Variants in GABRB2 observed in about 807,000 individuals in gnomAD.
The protein encoded by GABRB2 is gamma-aminobutyric acid receptor subunit beta-2.
GABRB2 carries 16 observed loss-of-function variants against 54.7 expected under a neutral mutation model. The observed-to-expected ratio is 0.29, with a 90% CI of 0.20 to 0.44. GABRB2 has a LOEUF of 0.44. GABRB2 is among the 20% of genes least tolerant of loss of function. The pLI, the probability that GABRB2 is intolerant of heterozygous loss-of-function variation, is 1.00. For synonymous variants in GABRB2, 244 were observed against 233.8 expected, an observed-to-expected ratio of 1.04 and a Z score of -0.40; for missense variants, 355 against 644.0, an observed-to-expected ratio of 0.55 and a Z score of 4.86.
chr5:161,344,737 A>G (rs879139717), intron 5 of GABRB2, among the ~76,000 whole-genome samples: 1 of 152,226 alleles, frequency 6.6e-6, no homozygotes, highest in East Asian at 1.9e-4. Flanking sequence ...ATAAAGACAC[A>G]TGTACGCATA....
chr5:161,508,196 C>T (rs1258201055), intron 3 of GABRB2, among the ~76,000 whole-genome samples: 1 of 151,412 alleles, frequency 6.6e-6, no homozygotes, highest in African/African-American at 2.4e-5. Flanking sequence ...CTCACTAAAT[C>T]TCTACCTAGC....
rs1757011036 is a variant in GABRB2 at position 161,426,759 on chromosome 5, T to A, written c.459-15702A>T. Among the ~76,000 whole-genome samples the A allele has an allele frequency of 3.3e-5, 5 of 151,874 alleles. No homozygotes were observed. The South Asian group carries it at 1.0e-3, about 32-fold the overall frequency. On this transcript the variant is annotated intron_variant, in intron 4 of 9. Coordinates refer to ENST00000393959, the MANE Select transcript of GABRB2 (RefSeq NM_001371727.1). ...GGGTATAAATACTCATGTTGGAAAT[T>A]ACACACAATTTACAATAAGAAGCAC...
intron 8 of GABRB2, 94 bp downstream of exon 8, chr5:161,330,789 G>A (rs1471733164): frequency 1.9e-6 from 3 of 1,539,054 alleles, no homozygotes; most frequent in African/African-American, 1.4e-5. Context: ...CCCTGGGCTT[G>A]GTTTCCTCAT....
intron 3 of GABRB2, among the ~76,000 whole-genome samples, chr5:161,540,754 A>G (rs1760784690): frequency 6.6e-6 from 1 of 152,142 alleles, no homozygotes; most frequent in Non-Finnish European, 1.5e-5. Context: ...GTACCTCTCC[A>G]TCAGAGCTCA....
At chr5:161,414,723 TA>T (rs567340515) in intron 4 of GABRB2, among the ~76,000 whole-genome samples, 9 of 150,812 alleles carry the variant, frequency 6.0e-5, no homozygotes, top group Non-Finnish European at 1.3e-4. Context: ...CAACCCCAAA[TA>T]AAAAATATTA....
At chr5:161,326,231 T>G in intron 9 of GABRB2, 137 bp downstream of exon 9, 1 of 1,251,098 alleles carries the variant, frequency 8.0e-7, no homozygotes, top group South Asian at 1.9e-5. Context: ...TGAAAAAGTT[T>G]TAACTTATCC....
chr5:161,545,986 G>A (rs1231819113), intron 2 of GABRB2, among the ~76,000 whole-genome samples: 1 of 152,166 alleles, frequency 6.6e-6, no homozygotes, highest in Non-Finnish European at 1.5e-5. Context: ...GTGGCCTTCC[G>A]CAAGCCGGGT....
At chr5:161,433,100 C>A (rs1176000076) in intron 4 of GABRB2, among the ~76,000 whole-genome samples, 1 of 152,032 alleles carries the variant, frequency 6.6e-6, no homozygotes, top group Non-Finnish European at 1.5e-5. Flanking sequence ...AAAAAATTCA[C>A]AGATATAAGC....
intron 3 of GABRB2, among the ~76,000 whole-genome samples, chr5:161,493,169 C>A (rs761335481): frequency 2.4e-4 from 36 of 151,636 alleles, no homozygotes; most frequent in Non-Finnish European, 4.1e-4. Flanking sequence ...ATTTGAATGT[C>A]TTCCAAAAAT....
rs1181176302 is a variant in GABRB2, at chr5:161,293,763, C to G, written c.*318G>C. 1.1e-5 allele frequency: 3 copies of G among 269,790 alleles called. No individual in the cohort carries two copies. The highest frequency in any genetic ancestry group is 9.7e-5 in the Admixed American group (2 of 20,610). The allele number at this position is 269,790 out of a possible 1,614,324, so 16.7% of individuals were successfully genotyped here. A position where few individuals can be genotyped will look rare whatever the true frequency, so the allele number is the denominator to read the frequency against. ...CCAAATGACTGACAATGCTGTTGAG[C>G]CTTCTAAGAATATCTTCCAAATTAT... is the stretch of plus-strand genomic sequence containing the variant. On this transcript the variant is annotated 3_prime_UTR_variant, in exon 10 of 10. Coordinates refer to ENST00000393959, the MANE Select transcript of GABRB2 (RefSeq NM_001371727.1).
At chr5:161,433,406 C>T (rs1172064729) in intron 4 of GABRB2, among the ~76,000 whole-genome samples, 2 of 150,104 alleles carry the variant, frequency 1.3e-5, no homozygotes, top group Non-Finnish European at 3.0e-5. Flanking sequence ...TTGAGACAAG[C>T]CTGGGCAATA....
At chr5:161,422,229 T>C (rs1376637564) in intron 4 of GABRB2, among the ~76,000 whole-genome samples, 1 of 152,120 alleles carries the variant, frequency 6.6e-6, no homozygotes, top group Non-Finnish European at 1.5e-5. Flanking sequence ...ACTTTATTTA[T>C]AGTTGGGCAA....
Position 161,355,275 on chromosome 5 carries a change from A to T in GABRB2, c.542-18506T>A, listed in dbSNP as rs574231084. ...ATGTGTCTATTTTGTTCACTGTGAC[A>T]TATATATAATATATAGAAAATATAT... On this transcript the variant is annotated intron_variant, in intron 5 of 9. Coordinates refer to ENST00000393959, the MANE Select transcript of GABRB2 (RefSeq NM_001371727.1). 4.7e-5 allele frequency among the ~76,000 whole-genome samples: 7 copies of T among 148,702 alleles called. No individual in the cohort carries two copies. In the South Asian group the frequency reaches 1.5e-3, roughly 31 times the overall value.
At chr5:161,471,738 T>C (rs1248319795) in intron 3 of GABRB2, among the ~76,000 whole-genome samples, 1 of 152,006 alleles carries the variant, frequency 6.6e-6, no homozygotes, top group African/African-American at 2.4e-5. Flanking sequence ...GTAAAATTCC[T>C]AGCAGAGGAC....
Position 161,341,968 on chromosome 5 carries a change from T to TATATATATATATATATAC in GABRB2, c.542-5200_542-5199insGTATATATATATATATAT, listed in dbSNP as rs1205547471. Among the ~76,000 whole-genome samples the TATATATATATATATATAC allele has an allele frequency of 2.9e-4, 9 of 31,126 alleles. No homozygotes were observed. In the East Asian group the frequency reaches 3.1e-3, roughly 11 times the overall value. The allele number at this position is 31,126 out of a possible 152,430, so 20.4% of individuals were successfully genotyped here. ...ATATATATATATATATATATATATA[T>TATATATATATATATATAC]ACATACTTTATTATTATTTTTTCTA... On this transcript the variant is annotated intron_variant, in intron 5 of 9. Coordinates refer to ENST00000393959, the MANE Select transcript of GABRB2 (RefSeq NM_001371727.1).
chr5:161,452,764 C>T (rs1757827013), intron 4 of GABRB2, among the ~76,000 whole-genome samples: 1 of 152,166 alleles, frequency 6.6e-6, no homozygotes, highest in East Asian at 1.9e-4. Context: ...GAAGCCGAGG[C>T]AGGTGGATGG....
intron 2 of GABRB2, among the ~76,000 whole-genome samples, chr5:161,545,778 T>C (rs1175737420): frequency 3.3e-5 from 5 of 152,108 alleles, no homozygotes; most frequent in African/African-American, 1.2e-4. Flanking sequence ...CCCTACCTTC[T>C]CTAACCCTCC....
chr5:161,513,679 T>C (rs1212991044), intron 3 of GABRB2, among the ~76,000 whole-genome samples: 1 of 152,066 alleles, frequency 6.6e-6, no homozygotes, highest in African/African-American at 2.4e-5. Flanking sequence ...AACTGTTGCA[T>C]ACTGTGCTCA....
chr5:161,421,331 G>A (rs1270022808), intron 4 of GABRB2, among the ~76,000 whole-genome samples: 1 of 152,156 alleles, frequency 6.6e-6, no homozygotes, highest in Non-Finnish European at 1.5e-5. Context: ...TCTGGCAGGA[G>A]TGTTGCCATT....
Sources: allele counts gnomAD v4.1 joint callset (sites outside exome capture counted in the v4.1 genomes callset), GRCh38; gene constraint gnomAD v4.1.1; transcripts MANE v1.5; gene names NCBI Gene and HGNC (gene_info 2026-07-23, HGNC 2026-07-21).